Variants in CNTNAP5 observed in about 807,000 individuals in gnomAD.
CNTNAP5 encodes contactin-associated protein-like 5.
CNTNAP5 carries 72 observed loss-of-function variants against 150.2 expected under a neutral mutation model. That is an observed-to-expected ratio of 0.48 (90% CI 0.40 to 0.58). The LOEUF is 0.58. Among genes scored for constraint, CNTNAP5 ranks in the 20% least tolerant of loss-of-function variants. The pLI, the probability that CNTNAP5 is intolerant of heterozygous loss-of-function variation, is 0.00. For synonymous variants in CNTNAP5, 672 were observed against 619.8 expected, an observed-to-expected ratio of 1.08 and a Z score of -1.25; for missense variants, 1,636 against 1,626.2, an observed-to-expected ratio of 1.01 and a Z score of -0.10.
chr2:124,915,151 C>A lies in CNTNAP5; in HGVS notation c.*863C>A, dbSNP rs1678737825. On this transcript the variant is annotated 3_prime_UTR_variant, in exon 24 of 24. Transcript: ENST00000682447. ...ACTGAGATATATATATATACACACACACACACATATGTGTATATATGTATA... is the reference window on the plus strand; with the variant it reads ...ACTGAGATATATATATATACACACAAACACACATATGTGTATATATGTATA... 6.0e-6 allele frequency: 1 copy of A among 165,850 alleles called. No individual in the cohort carries two copies. 10.3% of individuals were successfully genotyped at this position (165,850 alleles called of 1,614,324 possible).
intron 11 of CNTNAP5, among the ~76,000 whole-genome samples, chr2:124,579,967 A>G (rs889480386): frequency 1.3e-5 from 2 of 152,244 alleles, no homozygotes; most frequent in Non-Finnish European, 2.9e-5. Flanking sequence ...GACATAATCA[A>G]ACTAAGACTT....
At chr2:124,654,682 A>G (rs980662515) in intron 13 of CNTNAP5, among the ~76,000 whole-genome samples, 3 of 152,114 alleles carry the variant, frequency 2.0e-5, no homozygotes, top group African/African-American at 7.2e-5. Flanking sequence ...TTTGCAGTCT[A>G]TGGCACCACC....
intron 1 of CNTNAP5, among the ~76,000 whole-genome samples, chr2:124,150,703 T>C (rs903409857): frequency 6.6e-5 from 10 of 152,010 alleles, no homozygotes; most frequent in Non-Finnish European, 1.0e-4. Flanking sequence ...GAGAACAAGC[T>C]GTCTCTTGTC....
chr2:124,752,142 A>G (rs1323952619), intron 14 of CNTNAP5, among the ~76,000 whole-genome samples: 1 of 152,180 alleles, frequency 6.6e-6, no homozygotes, highest in African/African-American at 2.4e-5. Context: ...CGCAGCATGC[A>G]TGTTTCTTTT....
At chr2:124,836,749 T>C (rs981958146) in intron 19 of CNTNAP5, among the ~76,000 whole-genome samples, 1 of 152,080 alleles carries the variant, frequency 6.6e-6, no homozygotes, top group Non-Finnish European at 1.5e-5. Context: ...TAAGATTATT[T>C]AACTATCTTC....
chr2:124,071,903 A>C (rs923552354), intron 1 of CNTNAP5, among the ~76,000 whole-genome samples: 12 of 151,970 alleles, frequency 7.9e-5, no homozygotes, highest in African/African-American at 2.9e-4. Flanking sequence ...TTACCCTGAT[A>C]CCAAACCCAG....
intron 1 of CNTNAP5, among the ~76,000 whole-genome samples, chr2:124,217,339 G>A (rs1686184389): frequency 1.3e-5 from 2 of 152,184 alleles, no homozygotes; most frequent in African/African-American, 4.8e-5. Context: ...GAGGAACAGA[G>A]TGATGGATTC....
chr2:124,041,571 C>T (rs548156375), intron 1 of CNTNAP5, among the ~76,000 whole-genome samples: 12 of 152,196 alleles, frequency 7.9e-5, no homozygotes, highest in South Asian at 4.1e-4. Flanking sequence ...AAGGAATTAA[C>T]GTGGAGTCAG....
chr2:124,897,758 A>T (rs1678336074), intron 21 of CNTNAP5, among the ~76,000 whole-genome samples: 2 of 151,768 alleles, frequency 1.3e-5, no homozygotes, highest in Non-Finnish European at 2.9e-5. Flanking sequence ...TTCAGGCCTG[A>T]ATTGGCCTTG....
chr2:124,588,318 C>T (rs1453215382), intron 11 of CNTNAP5, among the ~76,000 whole-genome samples: 1 of 151,480 alleles, frequency 6.6e-6, no homozygotes, highest in East Asian at 1.9e-4. Flanking sequence ...TTACCTGACA[C>T]TATTATGAAA....
chr2:124,094,010 G>A (rs1245566909), intron 1 of CNTNAP5, among the ~76,000 whole-genome samples: 5 of 152,154 alleles, frequency 3.3e-5, no homozygotes, highest in Admixed American at 6.6e-5. Flanking sequence ...GCTAATGGAT[G>A]GCAAATACAG....
At chr2:124,074,843 G>T (rs1322894238) in intron 1 of CNTNAP5, among the ~76,000 whole-genome samples, 1 of 151,922 alleles carries the variant, frequency 6.6e-6, no homozygotes, top group Non-Finnish European at 1.5e-5. Context: ...ATGATTTTAT[G>T]CAACTGCCAA....
At chr2:124,449,667 G>A (rs1692916864) in intron 6 of CNTNAP5, among the ~76,000 whole-genome samples, 1 of 152,140 alleles carries the variant, frequency 6.6e-6, no homozygotes, top group African/African-American at 2.4e-5. Context: ...TTTATAAAAT[G>A]TGCTCCCTAG....
Position 124,224,735 on chromosome 2 carries a change from T to A in CNTNAP5, c.187+2926T>A, listed in dbSNP as rs540002368. 2.0e-5 allele frequency among the ~76,000 whole-genome samples: 3 copies of A among 152,186 alleles called. No individual in the cohort carries two copies. The South Asian group carries it at 6.2e-4, about 31-fold the overall frequency. ...GATATATTAAGATAAAACTTGAAAG[T>A]CATTATATTAATGCTATTAAGAACA... On this transcript the variant is annotated intron_variant, in intron 2 of 23. Transcript: ENST00000682447.
chr2:124,214,446 A>G (rs1181275710), intron 1 of CNTNAP5, among the ~76,000 whole-genome samples: 1 of 152,094 alleles, frequency 6.6e-6, no homozygotes, highest in Non-Finnish European at 1.5e-5. Context: ...TGCTGTGTTT[A>G]TCTCCACCAC....
At chr2:124,109,846 T>C (rs1339515206) in intron 1 of CNTNAP5, among the ~76,000 whole-genome samples, 2 of 152,228 alleles carry the variant, frequency 1.3e-5, no homozygotes, top group Non-Finnish European at 2.9e-5. Context: ...AACGGCACTT[T>C]ATTCTGGTTT....
chr2:124,412,443 C>A (rs2104771354), intron 3 of CNTNAP5, among the ~76,000 whole-genome samples: 1 of 149,356 alleles, frequency 6.7e-6, no homozygotes, highest in South Asian at 2.1e-4. Flanking sequence ...GCCAAAAGAA[C>A]AAAGCTGGAG....
At chr2:124,762,699 A>G (rs950030202) in intron 14 of CNTNAP5, among the ~76,000 whole-genome samples, 2 of 152,128 alleles carry the variant, frequency 1.3e-5, no homozygotes, top group Non-Finnish European at 2.9e-5. Context: ...TCCAGAGCAC[A>G]GCTGTATACT....
At chr2:124,477,656 A>ATTT (rs34441550) in intron 7 of CNTNAP5, among the ~76,000 whole-genome samples, 2 of 127,478 alleles carry the variant, frequency 1.6e-5, no homozygotes, top group African/African-American at 5.7e-5. Context: ...TGCTCATGAC[A>ATTT]TTTTTTTTTT....
Sources: gnomAD v4.1 joint callset for allele counts (sites outside exome capture counted in the v4.1 genomes callset) on GRCh38, gnomAD v4.1.1 for gene constraint, MANE v1.5 for transcripts, NCBI Gene and HGNC (gene_info 2026-07-23, HGNC 2026-07-21) for gene names.